Variants in CLEC16A observed in about 807,000 individuals in gnomAD.
The protein encoded by CLEC16A is C-type lectin domain containing 16A, also known as protein CLEC16A.
In CLEC16A, 51 loss-of-function variants were observed where a neutral mutation model predicts 109.5. The observed-to-expected ratio is 0.47, with a 90% CI of 0.37 to 0.59. The LOEUF is 0.59. Among genes scored for constraint, CLEC16A ranks in the 20% least tolerant of loss-of-function variants. The pLI, the probability that CLEC16A is intolerant of heterozygous loss-of-function variation, is 0.00. For synonymous variants in CLEC16A, 673 were observed against 564.2 expected (o/e 1.19, Z -2.73); for missense variants, 1,339 against 1,394.0 (o/e 0.96, Z 0.63).
chr16:11,035,308 C>T (rs1486718735), intron 13 of CLEC16A, among the ~76,000 whole-genome samples: 2 of 152,098 alleles, frequency 1.3e-5, no homozygotes, highest in Admixed American at 6.6e-5. Context: ...ACGTATGTTT[C>T]CCCTTCATTT....
intron 22 of CLEC16A, among the ~76,000 whole-genome samples, chr16:11,149,716 G>C (rs2054218136): frequency 6.6e-6 from 1 of 152,094 alleles, no homozygotes; most frequent in Middle Eastern, 3.4e-3. Context: ...TTGAACCTGG[G>C]AGGCAGAGGT....
chr16:11,025,359 G>T (rs763094987), intron 13 of CLEC16A, among the ~76,000 whole-genome samples: 1 of 152,130 alleles, frequency 6.6e-6, no homozygotes, highest in African/African-American at 2.4e-5. Context: ...GGTGGACTTG[G>T]TGGAAGCATA....
At chr16:11,089,378 C>T (rs1379562121) in intron 19 of CLEC16A, among the ~76,000 whole-genome samples, 1 of 152,114 alleles carries the variant, frequency 6.6e-6, no homozygotes, top group East Asian at 1.9e-4. Flanking sequence ...TTGTGCATCA[C>T]CCTTGTTGAT....
chr16:10,956,866 G>A (rs1010047061), intron 1 of CLEC16A, among the ~76,000 whole-genome samples: 4 of 151,364 alleles, frequency 2.6e-5, no homozygotes, highest in East Asian at 1.9e-4. Flanking sequence ...GTGTGATCTC[G>A]GCTCACTGCA....
intron 19 of CLEC16A, among the ~76,000 whole-genome samples, chr16:11,063,261 G>GT (rs1223465600): frequency 3.2e-4 from 46 of 142,464 alleles, no homozygotes; most frequent in Non-Finnish European, 2.1e-4. Context: ...GGTTTATTTG[G>GT]TTTTTTTCTT....
At chr16:11,118,339 C>T (rs897189794) in intron 19 of CLEC16A, among the ~76,000 whole-genome samples, 5 of 150,062 alleles carry the variant, frequency 3.3e-5, no homozygotes, top group East Asian at 3.9e-4. Context: ...CGCCTTTTCT[C>T]ATTTAACGCA....
intron 19 of CLEC16A, among the ~76,000 whole-genome samples, chr16:11,115,563 A>G (rs139542162): frequency 2.0e-5 from 3 of 152,168 alleles, no homozygotes; most frequent in African/African-American, 7.2e-5. Flanking sequence ...AGTAGAGGTG[A>G]GGTTTTGCCA....
chr16:11,012,572 G>A, intron 11 of CLEC16A, among the ~76,000 whole-genome samples: 1 of 133,598 alleles, frequency 7.5e-6, no homozygotes, highest in East Asian at 2.1e-4. Flanking sequence ...TCCAGCCTGG[G>A]CGATAGAGTG....
intron 19 of CLEC16A, among the ~76,000 whole-genome samples, chr16:11,085,992 C>A (rs2049989595): frequency 6.6e-6 from 1 of 152,206 alleles, no homozygotes; most frequent in Non-Finnish European, 1.5e-5. Context: ...TTCAGCTAGT[C>A]CTCTGGGCAG....
At chr16:11,115,741 TG>T (rs1326847035) in intron 19 of CLEC16A, among the ~76,000 whole-genome samples, 6 of 152,150 alleles carry the variant, frequency 3.9e-5, no homozygotes, top group African/African-American at 1.4e-4. Flanking sequence ...AGAATGAATA[TG>T]ATGACTTCCT....
intron 22 of CLEC16A, among the ~76,000 whole-genome samples, chr16:11,159,630 C>T (rs79581585): frequency 1.3e-5 from 2 of 152,238 alleles, no homozygotes; most frequent in African/African-American, 4.8e-5. Context: ...AGTTGTGTCT[C>T]CCATTAAGCT....
At chr16:10,979,476 C>G in intron 9 of CLEC16A, 94 bp downstream of exon 9, 1 of 1,070,846 alleles carries the variant, frequency 9.3e-7, no homozygotes, top group Non-Finnish European at 1.4e-6. Flanking sequence ...ATCACCCCAT[C>G]TTCTCTGTCC....
chr16:11,135,467 G>C (rs985121227), intron 22 of CLEC16A, among the ~76,000 whole-genome samples: 1 of 152,222 alleles, frequency 6.6e-6, no homozygotes, highest in Non-Finnish European at 1.5e-5. Context: ...GGACACAGTA[G>C]GCAGGGCCAG....
At chr16:11,132,357 T>G (rs1597499031) in intron 22 of CLEC16A, among the ~76,000 whole-genome samples, 1 of 152,024 alleles carries the variant, frequency 6.6e-6, no homozygotes, top group South Asian at 2.1e-4. Context: ...CATGCCTGGC[T>G]TCTTTCAGTT....
intron 19 of CLEC16A, among the ~76,000 whole-genome samples, chr16:11,097,141 G>A (rs1176442271): frequency 1.3e-5 from 2 of 152,116 alleles, no homozygotes; most frequent in Admixed American, 6.6e-5. Flanking sequence ...CCATGAGAAC[G>A]GCGGTAACCT....
At chr16:11,125,893 C>G (rs942049274) in intron 21 of CLEC16A, 86 bp from the exon 22 acceptor site, 8 of 814,314 alleles carry the variant, frequency 9.8e-6, no homozygotes, top group African/African-American at 1.7e-5. Context: ...AGGGCCACAG[C>G]CACTACGATG....
intron 22 of CLEC16A, among the ~76,000 whole-genome samples, chr16:11,165,836 A>G (rs1188123855): frequency 1.3e-5 from 2 of 152,212 alleles, no homozygotes. Flanking sequence ...GCTCTTTGCC[A>G]GGGCTTTCGT....
chr16:10,962,450 C>A lies in CLEC16A; in HGVS notation c.210-5C>A. 6.2e-7 allele frequency: 1 copy of A among 1,613,870 alleles called. No individual in the cohort carries two copies. Among genetic ancestry groups the A allele is most frequent in the South Asian group, 1.1e-5 (1 of 91,070 alleles). ...GCCACTGATGCTTTTCCATTCTCTCCCCAGCTTCTTCCTGGAGAAGAATAT... is the reference window on the plus strand; with the variant it reads ...GCCACTGATGCTTTTCCATTCTCTCACCAGCTTCTTCCTGGAGAAGAATAT... On this transcript the variant is annotated splice_region_variant and splice_polypyrimidine_tract_variant and intron_variant, in intron 2 of 23. Coordinates refer to ENST00000409790, the MANE Select transcript of CLEC16A (RefSeq NM_015226.3).
At chr16:11,157,570 T>C (rs1196879602) in intron 22 of CLEC16A, among the ~76,000 whole-genome samples, 1 of 152,220 alleles carries the variant, frequency 6.6e-6, no homozygotes, top group African/African-American at 2.4e-5. Flanking sequence ...AGGAAACTTC[T>C]GGGGCCCCCC....
Sources: gnomAD v4.1 joint callset for allele counts (sites outside exome capture counted in the v4.1 genomes callset) on GRCh38, gnomAD v4.1.1 for gene constraint, MANE v1.5 for transcripts, NCBI Gene and HGNC (gene_info 2026-07-23, HGNC 2026-07-21) for gene names.